The following PPP1CB variants were observed in gnomAD, a reference collection of about 807,000 sequenced individuals.
PPP1CB encodes serine/threonine-protein phosphatase PP1-beta catalytic subunit.
PPP1CB carries 2 observed loss-of-function variants against 43.7 expected under a neutral mutation model. The observed-to-expected ratio is 0.05, with a 90% CI of 0.02 to 0.14. The LOEUF (loss-of-function observed/expected upper bound fraction) is 0.14, where lower values mean the gene tolerates loss of function less well. Among genes scored for constraint, PPP1CB ranks in the 10% least tolerant of loss-of-function variants. The probability of loss-of-function intolerance (pLI) is 1.00; values close to 1 mark genes in which losing one functional copy is unlikely to be tolerated. For missense variants in PPP1CB, 84 were observed against 398.0 expected, an observed-to-expected ratio of 0.21 and a Z score of 6.71; for synonymous variants, 136 against 135.6, an observed-to-expected ratio of 1.00 and a Z score of -0.02.
At chr2:28,791,001 G>A (rs1356241846) in intron 6 of PPP1CB, among the ~76,000 whole-genome samples, 1 of 152,212 alleles carries the variant, frequency 6.6e-6, no homozygotes, top group African/African-American at 2.4e-5. Context: ...ATTACAACTT[G>A]TTTTTGAATC....
At chr2:28,752,480 C>T (rs1666336765) in intron 1 of PPP1CB, among the ~76,000 whole-genome samples, 1 of 152,164 alleles carries the variant, frequency 6.6e-6, no homozygotes, top group South Asian at 2.1e-4. Flanking sequence ...TTCGGAAAGG[C>T]CGCCGGGCTC....
intron 6 of PPP1CB, among the ~76,000 whole-genome samples, chr2:28,789,406 G>A (rs1667340584): frequency 6.6e-6 from 1 of 151,782 alleles, no homozygotes; most frequent in African/African-American, 2.4e-5. Context: ...CTACGTGGGA[G>A]GCTGAGGTGG....
At chr2:28,787,872 C>T (rs937519357) in intron 5 of PPP1CB, among the ~76,000 whole-genome samples, 3 of 152,050 alleles carry the variant, frequency 2.0e-5, no homozygotes, top group Non-Finnish European at 2.9e-5. Context: ...TTAAGATTTC[C>T]ACTACCATTA....
At chr2:28,756,566 C>A (rs963881862) in intron 1 of PPP1CB, among the ~76,000 whole-genome samples, 1 of 152,220 alleles carries the variant, frequency 6.6e-6, no homozygotes, top group African/African-American at 2.4e-5. Flanking sequence ...TCACTGCAGC[C>A]TCGACTTCCT....
chr2:28,787,209 C>T (rs1263918924), intron 5 of PPP1CB, among the ~76,000 whole-genome samples: 2 of 152,112 alleles, frequency 1.3e-5, no homozygotes, highest in Admixed American at 1.3e-4. Flanking sequence ...CTTGTAATCC[C>T]AGCACTCTGG....
chr2:28,752,005 G>T lies in PPP1CB; in HGVS notation c.-120G>T. On this transcript the variant is annotated 5_prime_UTR_variant, in exon 1 of 8. Transcript: ENST00000395366. ...GGAGGGCCCGGGAAAAGGGGGAGTT[G>T]GAGCCGGGGTCGAAACGCCGCGTGA... 2 of 960,098 alleles carry T rather than the reference G, an allele frequency of 2.1e-6. No individual in the cohort carries two copies. The highest frequency in any genetic ancestry group is 3.3e-6 in the Non-Finnish European group (2 of 611,094). The allele number at this position is 960,098 out of a possible 1,614,324, so 59.5% of individuals were successfully genotyped here.
chr2:28,776,785 ACT>A, intron 1 of PPP1CB, 64 bp from the exon 2 acceptor site: 2 of 1,480,540 alleles, frequency 1.4e-6, no homozygotes, highest in Non-Finnish European at 1.9e-6. Context: ...TATGGGCATG[ACT>A]CTTTTTGAAA....
chr2:28,771,055 C>CCCCCCT (rs1558302176), intron 1 of PPP1CB, among the ~76,000 whole-genome samples: 23 of 59,596 alleles, frequency 3.9e-4, no homozygotes, highest in Non-Finnish European at 5.1e-4. Flanking sequence ...CCCCCCCACC[C>CCCCCCT]TTTTTTTTTT....
chr2:28,775,447 A>G (rs535728554), intron 1 of PPP1CB, among the ~76,000 whole-genome samples: 82 of 152,190 alleles, frequency 5.4e-4, no homozygotes, highest in Non-Finnish European at 1.0e-3. Flanking sequence ...TTGCTCTGTC[A>G]CCAAGACTGA....
intron 1 of PPP1CB, among the ~76,000 whole-genome samples, chr2:28,768,144 A>G (rs112007075): frequency 2.0e-5 from 3 of 152,308 alleles, no homozygotes; most frequent in Non-Finnish European, 4.4e-5. Context: ...GAGGCAGCCA[A>G]CACAGAAAAT....
intron 5 of PPP1CB, among the ~76,000 whole-genome samples, chr2:28,784,518 C>G (rs551564393): frequency 3.3e-5 from 5 of 152,028 alleles, no homozygotes; most frequent in Non-Finnish European, 7.4e-5. Context: ...CCTGCCTCTT[C>G]TGAGTAGCTA....
intron 1 of PPP1CB, among the ~76,000 whole-genome samples, chr2:28,773,336 C>A (rs1666954574): frequency 6.6e-6 from 1 of 152,096 alleles, no homozygotes; most frequent in African/African-American, 2.4e-5. Context: ...GGAAAAAGTA[C>A]TGGCCTTTAA....
chr2:28,798,154 T>TA (rs1324557571), intron 7 of PPP1CB, among the ~76,000 whole-genome samples: 2 of 152,166 alleles, frequency 1.3e-5, no homozygotes, highest in Non-Finnish European at 2.9e-5. Context: ...TACATATTTC[T>TA]ATACTGTTTT....
intron 7 of PPP1CB, among the ~76,000 whole-genome samples, chr2:28,798,593 A>G (rs986361234): frequency 6.6e-6 from 1 of 151,952 alleles, no homozygotes; most frequent in African/African-American, 2.4e-5. Flanking sequence ...AAAAGACCAC[A>G]TATTATATGA....
chr2:28,753,268 C>T (rs1666381664), intron 1 of PPP1CB, among the ~76,000 whole-genome samples: 2 of 152,164 alleles, frequency 1.3e-5, no homozygotes, highest in Admixed American at 6.5e-5. Context: ...TTTCAAATTA[C>T]CTTAAGATAA....
chr2:28,766,757 C>A (rs191304309), intron 1 of PPP1CB, among the ~76,000 whole-genome samples: 1 of 152,056 alleles, frequency 6.6e-6, no homozygotes, highest in Non-Finnish European at 1.5e-5. Flanking sequence ...CTTCAAGCAC[C>A]GTTTTTACAG....
At chr2:28,752,338 C>G (rs143302292) in intron 1 of PPP1CB, among the ~76,000 whole-genome samples, 162 bp downstream of exon 1, 48 of 152,084 alleles carry the variant, frequency 3.2e-4, no homozygotes, top group African/African-American at 1.2e-3. Context: ...CGAGGAGGCT[C>G]TGGGCGCGGG....
chr2:28,799,505 A>G lies in PPP1CB; in HGVS notation c.*202A>G. On this transcript the variant is annotated 3_prime_UTR_variant, in exon 8 of 8. Transcript: ENST00000395366. Reference sequence around the variant, plus strand: ...TATTGTAATAAGTATACTCTGTTATAGTCAACAAAGTTAAATCCAAATTCA... The same window carrying G: ...TATTGTAATAAGTATACTCTGTTATGGTCAACAAAGTTAAATCCAAATTCA... 1 of 406,848 alleles carries G rather than the reference A, an allele frequency of 2.5e-6. No homozygotes were observed. Among genetic ancestry groups the G allele is most frequent in the Non-Finnish European group, 4.4e-6 (1 of 227,356 alleles). 25.2% of individuals were successfully genotyped at this position (406,848 alleles called of 1,614,324 possible). A position where few individuals can be genotyped will look rare whatever the true frequency, so the allele number is the denominator to read the frequency against.
chr2:28,766,424 A>G (rs777348938), intron 1 of PPP1CB, among the ~76,000 whole-genome samples: 12 of 152,228 alleles, frequency 7.9e-5, no homozygotes, highest in Non-Finnish European at 1.8e-4. Context: ...GACTTCAAAC[A>G]TCCTACATTT....
Sources: gnomAD v4.1 joint callset for allele counts (sites outside exome capture counted in the v4.1 genomes callset) on GRCh38, gnomAD v4.1.1 for gene constraint, MANE v1.5 for transcripts, NCBI Gene and HGNC (gene_info 2026-07-23, HGNC 2026-07-21) for gene names.